The following TMTC3 variants were observed in gnomAD, a reference collection of about 807,000 sequenced individuals.
TMTC3 encodes the protein protein O-mannosyl-transferase TMTC3.
In TMTC3, 52 loss-of-function variants were observed where a neutral mutation model predicts 92.2. The observed-to-expected ratio is 0.56, with a 90% CI of 0.45 to 0.71. The LOEUF (loss-of-function observed/expected upper bound fraction) is 0.71. Among genes scored for constraint, TMTC3 ranks in the 30% least tolerant of loss-of-function variants. The pLI, the probability that TMTC3 is intolerant of heterozygous loss-of-function variation, is 0.00. For synonymous variants in TMTC3, 339 were observed against 363.3 expected (o/e 0.93, Z 0.76); for missense variants, 896 against 1,057.1 (o/e 0.85, Z 2.11).
chr12:88,167,648 G>A (rs1033961449), intron 7 of TMTC3, among the ~76,000 whole-genome samples: 9 of 152,048 alleles, frequency 5.9e-5, no homozygotes, highest in African/African-American at 1.4e-4. Context: ...CACAGTTCAC[G>A]TTTCCAGAGA....
Position 88,195,313 on chromosome 12 carries a change from T to G in TMTC3, c.2409T>G (p.His803Gln). The G allele has an allele frequency of 1.2e-6, 2 of 1,613,854 alleles. No homozygotes were observed. Among genetic ancestry groups the G allele is most frequent in the South Asian group, 2.2e-5 (2 of 91,082 alleles). ...CLLETLALAP[H>Q]EEYIQRHLNI... ...TTGAAACACTGGCATTAGCACCACA[T>G]GAAGAATATATTCAGCGCCATTTGA... The change falls in exon 14 of 14, where the codon CAT becomes CAG. Residue 803 changes from histidine to glutamine, a missense_variant. Physicochemically the swap from His to Gln is conservative, Grantham distance 24 (BLOSUM62 0). Coordinates refer to ENST00000266712, the MANE Select transcript of TMTC3 (RefSeq NM_181783.4).
At chr12:88,160,910 A>G in intron 6 of TMTC3, 59 bp downstream of exon 6, 1 of 1,466,310 alleles carries the variant, frequency 6.8e-7, no homozygotes, top group Non-Finnish European at 9.3e-7. Flanking sequence ...GATTTTAATG[A>G]TCATAAATGT....
In TMTC3 at chr12:88,160,803, T is replaced by G. The variant is rs1179229605; in HGVS notation, c.749T>G (p.Val250Gly). 6.2e-7 allele frequency: 1 copy of G among 1,613,392 alleles called. No homozygotes were observed. The highest frequency in any genetic ancestry group is 8.5e-7 in the Non-Finnish European group (1 of 1,179,644). The change falls in exon 6 of 14, where the codon GTT becomes GGT. Residue 250 changes from valine (V) to glycine (G), a missense_variant. Physicochemically the swap from Val to Gly is moderately radical, Grantham distance 109. Coordinates refer to ENST00000266712, the MANE Select transcript of TMTC3 (RefSeq NM_181783.4). ...TTGATGTTCAGTACATTATTACTTGTTGTGATTAGAGTCCAGGTTATTCAA... is the reference window on the plus strand; with the variant it reads ...TTGATGTTCAGTACATTATTACTTGGTGTGATTAGAGTCCAGGTTATTCAA... The part of the protein sequence containing the change: ...IVLMFSTLLL[V>G]VIRVQVIQSQ...
intron 10 of TMTC3, among the ~76,000 whole-genome samples, chr12:88,176,972 G>A (rs2041266194): frequency 6.6e-6 from 1 of 152,082 alleles, no homozygotes; most frequent in South Asian, 2.1e-4. Context: ...ATAAGAAATG[G>A]TGGCAGTGCT....
At chr12:88,165,841 T>A (rs2041137166) in intron 6 of TMTC3, among the ~76,000 whole-genome samples, 1 of 152,124 alleles carries the variant, frequency 6.6e-6, no homozygotes, top group Admixed American at 6.6e-5. Context: ...TCTCTCTCCA[T>A]GACAGAAGAA....
intron 1 of TMTC3, among the ~76,000 whole-genome samples, chr12:88,144,461 GT>G (rs1400390723): frequency 6.7e-6 from 1 of 150,338 alleles, no homozygotes. Flanking sequence ...TACAAGTTTC[GT>G]TTGTCTGTAT....
In TMTC3 at chr12:88,195,833, C is replaced by T. The variant is rs998669744; in HGVS notation, c.*184C>T. The T allele has an allele frequency of 6.6e-6, 3 of 451,168 alleles. No individual in the cohort carries two copies. The highest frequency in any genetic ancestry group is 1.2e-5 in the Non-Finnish European group (3 of 259,448). 27.9% of individuals were successfully genotyped at this position (451,168 alleles called of 1,614,324 possible). ...TTATCCCAGGATGTATATTATGTAT[C>T]GCTGTTTTCAGAGTGTGGGTGAATA... On this transcript the variant is annotated 3_prime_UTR_variant, in exon 14 of 14. Transcript: ENST00000266712.
chr12:88,160,637 A>G (rs761216242), intron 5 of TMTC3, 42 bp from the exon 6 acceptor site: 1 of 1,548,350 alleles, frequency 6.5e-7, no homozygotes, highest in Admixed American at 1.7e-5. Context: ...ACATTGAGAT[A>G]TGTCGTTATT....
At position 88,196,831 on chromosome 12, in the gene TMTC3, G is replaced by T. The variant is rs933615735; in HGVS notation, c.*1182G>T. 6.6e-6 allele frequency: 1 copy of T among 151,400 alleles called. No homozygotes were observed. Among genetic ancestry groups the T allele is most frequent in the African/African-American group, 2.4e-5 (1 of 41,256 alleles). 9.4% of individuals were successfully genotyped at this position (151,400 alleles called of 1,614,324 possible). ...ATTAACCAGAATTGTATCATTTTTG[G>T]CCTAATGTCTGGATATAAAAGATAA... On this transcript the variant is annotated 3_prime_UTR_variant, in exon 14 of 14. Coordinates refer to ENST00000266712, the MANE Select transcript of TMTC3 (RefSeq NM_181783.4).
chr12:88,165,825 T>C (rs531057023), intron 6 of TMTC3, among the ~76,000 whole-genome samples: 3 of 152,142 alleles, frequency 2.0e-5, no homozygotes, highest in South Asian at 2.1e-4. Context: ...CTAGGTGATA[T>C]GGTTTTCTCT....
chr12:88,194,195 C>T (rs1190150480), intron 13 of TMTC3, among the ~76,000 whole-genome samples: 1 of 152,082 alleles, frequency 6.6e-6, no homozygotes, highest in East Asian at 1.9e-4. Flanking sequence ...GCCCTCCAGC[C>T]TGAGTGACAT....
intron 13 of TMTC3, 45 bp downstream of exon 13, chr12:88,192,875 TA>T: frequency 6.7e-7 from 1 of 1,485,762 alleles, no homozygotes; most frequent in Non-Finnish European, 9.1e-7. Flanking sequence ...TTGTAGTTTA[TA>T]ATATAATAAG....
At chr12:88,170,179 C>T (rs2041189368) in intron 7 of TMTC3, among the ~76,000 whole-genome samples, 1 of 152,044 alleles carries the variant, frequency 6.6e-6, no homozygotes, top group South Asian at 2.1e-4. Flanking sequence ...ATAAGTTAAT[C>T]ATTAGAGACA....
At chr12:88,148,942 C>A (rs570964459) in intron 2 of TMTC3, among the ~76,000 whole-genome samples, 1 of 152,056 alleles carries the variant, frequency 6.6e-6, no homozygotes, top group Non-Finnish European at 1.5e-5. Context: ...AGGTGTAATA[C>A]ATGCCTGTTT....
At chr12:88,171,606 T>C (rs963602102) in intron 7 of TMTC3, among the ~76,000 whole-genome samples, 3 of 152,160 alleles carry the variant, frequency 2.0e-5, no homozygotes, top group Non-Finnish European at 4.4e-5. Context: ...AATCTGTTGA[T>C]GGATACTTAG....
intron 7 of TMTC3, among the ~76,000 whole-genome samples, chr12:88,169,935 CAGAAAAAAAAAAAAAGGAAGA>C (rs1275995484): frequency 0.013 from 100 of 7,626 alleles, no homozygotes; most frequent in African/African-American, 0.035. Flanking sequence ...AAGACCCTGT[CAGAAAAAAAAAAAAAGGAAGA>C]AGAAAAAAAG....
At chr12:88,177,635 G>A (rs755715101) in intron 10 of TMTC3, among the ~76,000 whole-genome samples, 1 of 152,160 alleles carries the variant, frequency 6.6e-6, no homozygotes, top group Non-Finnish European at 1.5e-5. Flanking sequence ...GGCGTTTTGA[G>A]TGCAGAACTG....
At chr12:88,174,047 G>A (rs1035085324) in intron 8 of TMTC3, among the ~76,000 whole-genome samples, 1 of 152,084 alleles carries the variant, frequency 6.6e-6, no homozygotes, top group Non-Finnish European at 1.5e-5. Context: ...AAAGATTATA[G>A]GTGAAGAATT....
In TMTC3 at chr12:88,195,221, G is replaced by A; in HGVS notation, c.2317G>A (p.Gly773Arg). 1.2e-6 allele frequency: 2 copies of A among 1,613,798 alleles called. No individual in the cohort carries two copies. The highest frequency in any genetic ancestry group is 1.7e-6 in the Non-Finnish European group (2 of 1,179,880). The change falls in exon 14 of 14, where the codon GGA becomes AGA. Residue 773 changes from glycine to arginine, a missense_variant. Gly to Arg is a moderately radical substitution (Grantham distance 125). Coordinates refer to ENST00000266712, the MANE Select transcript of TMTC3 (RefSeq NM_181783.4). ...ILEMDPSNVQ[G>R]KHNLCVVYFE... The stretch of plus-strand genomic sequence containing the variant: ...GGAGATGGATCCAAGCAATGTGCAA[G>A]GAAAACACAATCTTTGTGTTGTTTA...
Sources: gnomAD v4.1 joint callset for allele counts (sites outside exome capture counted in the v4.1 genomes callset) on GRCh38, gnomAD v4.1.1 for gene constraint, MANE v1.5 for transcripts, NCBI Gene and HGNC (gene_info 2026-07-23, HGNC 2026-07-21) for gene names.